Variants in SATB2 observed in about 807,000 individuals in gnomAD.
SATB2 encodes SATB homeobox 2, also known as DNA-binding protein SATB2.
A neutral mutation model predicts 73.4 loss-of-function variants in SATB2; 1 was observed. The ratio of observed to expected loss-of-function variants is 0.01; its 90% CI spans 0.00 to 0.06. The LOEUF (loss-of-function observed/expected upper bound fraction) is 0.06. SATB2 is among the 10% of genes least tolerant of loss of function. The pLI is 1.00. For synonymous variants in SATB2, 397 were observed against 367.0 expected (o/e 1.08, Z -0.93); for missense variants, 459 against 945.8 (o/e 0.49, Z 6.75).
intron 3 of SATB2, among the ~76,000 whole-genome samples, chr2:199,393,842 G>C (rs1690220506): frequency 6.6e-6 from 1 of 151,972 alleles, no homozygotes; most frequent in South Asian, 2.1e-4. Flanking sequence ...GATAATTGAA[G>C]GTCTGCCAGT....
At chr2:199,444,825 T>A (rs1453631267) in intron 2 of SATB2, among the ~76,000 whole-genome samples, 1 of 152,174 alleles carries the variant, frequency 6.6e-6, no homozygotes. Flanking sequence ...ACATGACAGT[T>A]TCTATAAGTT....
chr2:199,323,091 T>C (rs912634428), intron 9 of SATB2, among the ~76,000 whole-genome samples: 1 of 152,102 alleles, frequency 6.6e-6, no homozygotes, highest in African/African-American at 2.4e-5. Context: ...AAATGAAGAA[T>C]TGAAGCAGAT....
At chr2:199,451,748 AAACT>A (rs1434848871) in intron 2 of SATB2, among the ~76,000 whole-genome samples, 2 of 152,116 alleles carry the variant, frequency 1.3e-5, no homozygotes, top group African/African-American at 4.8e-5. Context: ...GTAGACAATT[AAACT>A]AACTGTTGTT....
At chr2:199,442,752 A>G (rs948265461) in intron 2 of SATB2, among the ~76,000 whole-genome samples, 9 of 152,096 alleles carry the variant, frequency 5.9e-5, no homozygotes, top group African/African-American at 2.2e-4. Flanking sequence ...TCTCTAAAAT[A>G]AATAATTAAA....
At chr2:199,460,554 T>C (rs1692453700), upstream of SATB2, 1 of 152,366 alleles carries the variant, frequency 6.6e-6, no homozygotes, top group African/African-American at 2.4e-5. The surrounding 1 kb of genome is among the most constrained non-coding windows in gnomAD (Gnocchi z 4.0). Context: ...TGCAAATGGT[T>C]TAGCCAGGAT....
chr2:199,454,649 T>C (rs1692221624), intron 2 of SATB2, among the ~76,000 whole-genome samples: 1 of 152,118 alleles, frequency 6.6e-6, no homozygotes, highest in African/African-American at 2.4e-5. Flanking sequence ...ACTTCTCAAG[T>C]GAGACGATTA....
At chr2:199,355,368 A>G (rs1201849551) in intron 6 of SATB2, among the ~76,000 whole-genome samples, 1 of 104,090 alleles carries the variant, frequency 9.6e-6, no homozygotes, top group Non-Finnish European at 2.3e-5. Flanking sequence ...ATATATATAT[A>G]TATATATAGT....
In SATB2 at chr2:199,349,061, A is replaced by G. The variant is rs777362152; in HGVS notation, c.813T>C (p.Ser271=). The change falls in exon 7 of 11, where the codon TCT becomes TCC. Residue 271 remains serine (S), a synonymous_variant. Transcript: ENST00000417098. ...LASLGKTNEQ[S]PHSQIHHSTP... Reference sequence around the variant, plus strand: ...TACTGTGGTGAATTTGGCTGTGAGGAGACTGTTCGTTGGTTTTCCCCAGGG... The same window carrying G: ...TACTGTGGTGAATTTGGCTGTGAGGGGACTGTTCGTTGGTTTTCCCCAGGG... 4.3e-6 allele frequency: 7 copies of G among 1,614,036 alleles called. No homozygotes were observed. The highest frequency in any genetic ancestry group is 5.9e-6 in the Non-Finnish European group (7 of 1,179,960).
chr2:199,442,073 C>T (rs1691831656), intron 2 of SATB2, among the ~76,000 whole-genome samples: 1 of 152,192 alleles, frequency 6.6e-6, no homozygotes, highest in South Asian at 2.1e-4. Context: ...TTAGCTGCCT[C>T]ATGCCCCTCC....
intron 6 of SATB2, among the ~76,000 whole-genome samples, chr2:199,364,094 G>A (rs533848898): frequency 1.3e-5 from 2 of 152,192 alleles, no homozygotes; most frequent in Non-Finnish European, 2.9e-5. Context: ...ATGGAACCAG[G>A]TCAGGGGACA....
At chr2:199,357,294 C>T (rs1235136866) in intron 6 of SATB2, among the ~76,000 whole-genome samples, 1 of 152,192 alleles carries the variant, frequency 6.6e-6, no homozygotes, top group Non-Finnish European at 1.5e-5. Flanking sequence ...TCAGCCTTCA[C>T]TGTATGCTTT....
intron 10 of SATB2, among the ~76,000 whole-genome samples, chr2:199,281,010 C>T (rs1264111810): frequency 6.6e-6 from 1 of 152,084 alleles, no homozygotes; most frequent in African/African-American, 2.4e-5. Context: ...CCCCCAGACA[C>T]CCAGCTTTAA....
At chr2:199,378,805 T>C (rs1408759369) in intron 5 of SATB2, among the ~76,000 whole-genome samples, 3 of 152,330 alleles carry the variant, frequency 2.0e-5, no homozygotes. Context: ...ATCCTCTTTA[T>C]ATAACTCAGA....
chr2:199,369,912 GGTTAGCC>G (rs1192233335), intron 5 of SATB2, among the ~76,000 whole-genome samples: 1 of 152,104 alleles, frequency 6.6e-6, no homozygotes, highest in Non-Finnish European at 1.5e-5. Flanking sequence ...TTTCGCAGAT[GGTTAGCC>G]CTCCCCAGTT....
chr2:199,420,887 C>T (rs772859155), intron 3 of SATB2, among the ~76,000 whole-genome samples: 2 of 151,954 alleles, frequency 1.3e-5, no homozygotes, highest in Non-Finnish European at 2.9e-5. Flanking sequence ...ATATTTCTTT[C>T]ACATAAATTG....
chr2:199,368,649 C>A lies in SATB2; in HGVS notation c.656G>T (p.Cys219Phe). ...TTTATACCATCTCCCAAACTCCTGGCACTTGGTTGCTGACACATTGGCATA... is the reference window on the plus strand; with the variant it reads ...TTTATACCATCTCCCAAACTCCTGGAACTTGGTTGCTGACACATTGGCATA... ...TYYANVSATK[C>F]QEFGRWYKKY... Residue 219 changes from cysteine (C) to phenylalanine (F), a missense_variant, in exon 6 of 11, where the codon TGC (cysteine) becomes TTC (phenylalanine). Physicochemically the swap from Cys to Phe is radical, Grantham distance 205. Transcript: ENST00000417098. The A allele has an allele frequency of 6.2e-7, 1 of 1,611,416 alleles. No homozygotes were observed. Among genetic ancestry groups the A allele is most frequent in the Non-Finnish European group, 8.5e-7 (1 of 1,177,900 alleles).
intron 2 of SATB2, among the ~76,000 whole-genome samples, chr2:199,453,201 C>T (rs1692180047): frequency 6.6e-6 from 1 of 152,112 alleles, no homozygotes; most frequent in Non-Finnish European, 1.5e-5. Flanking sequence ...TTATCAAAAA[C>T]AGTAAGATAA....
intron 10 of SATB2, among the ~76,000 whole-genome samples, chr2:199,280,414 A>G: frequency 6.6e-6 from 1 of 152,204 alleles, no homozygotes; most frequent in East Asian, 1.9e-4. Flanking sequence ...AGAACAGGAT[A>G]ACAGCAATGT....
At chr2:199,434,555 T>C (rs1479997226) in intron 2 of SATB2, among the ~76,000 whole-genome samples, 3 of 152,184 alleles carry the variant, frequency 2.0e-5, no homozygotes, top group Admixed American at 6.5e-5. Context: ...CCCTGCCTAA[T>C]GTAATTCACA....
Sources: allele counts gnomAD v4.1 joint callset (sites outside exome capture counted in the v4.1 genomes callset), GRCh38; gene constraint gnomAD v4.1.1; non-coding constraint Gnocchi (gnomAD v3.1); transcripts MANE v1.5; gene names NCBI Gene and HGNC (gene_info 2026-07-23, HGNC 2026-07-21).